The following COL22A1 variants were observed in gnomAD, a reference collection of about 807,000 sequenced individuals.
COL22A1 encodes the protein collagen type XXII alpha 1 chain.
In COL22A1, 221 loss-of-function variants were observed where a neutral mutation model predicts 248.9. The ratio of observed to expected loss-of-function variants is 0.89; its 90% CI spans 0.80 to 0.99. The LOEUF is 0.99. Among genes scored for constraint, COL22A1 ranks in the 50% least tolerant of loss-of-function variants. The pLI, the probability that COL22A1 is intolerant of heterozygous loss-of-function variation, is 0.00. For missense variants in COL22A1, 2,240 were observed against 2,179.0 expected (o/e 1.03, Z -0.56); for synonymous variants, 891 against 793.4 (o/e 1.12, Z -2.07).
intron 29 of COL22A1, 126 bp downstream of exon 29, chr8:138,716,101 T>G: frequency 2.2e-5 from 16 of 741,064 alleles, no homozygotes; most frequent in Non-Finnish European, 3.3e-5. Flanking sequence ...CCATCAACAC[T>G]GAGAAATACA....
At chr8:138,607,838 T>C in intron 57 of COL22A1, 98 bp downstream of exon 57, 1 of 1,186,226 alleles carries the variant, frequency 8.4e-7, no homozygotes, top group Non-Finnish European at 1.2e-6. Context: ...TCCCCACCGA[T>C]GCTTCTAGGG....
intron 16 of COL22A1, among the ~76,000 whole-genome samples, chr8:138,773,613 T>C (rs951502631): frequency 3.9e-5 from 6 of 152,370 alleles, no homozygotes; most frequent in African/African-American, 1.4e-4. Context: ...CAGCCGTGTG[T>C]TGAGCTGACT....
intron 14 of COL22A1, among the ~76,000 whole-genome samples, chr8:138,778,836 C>T (rs965469307): frequency 2.6e-5 from 4 of 152,198 alleles, no homozygotes; most frequent in Admixed American, 1.3e-4. Context: ...GGGCTCAGTA[C>T]AGCCTGGACA....
At chr8:138,734,872 T>C (rs1830989666) in intron 23 of COL22A1, among the ~76,000 whole-genome samples, 1 of 152,164 alleles carries the variant, frequency 6.6e-6, no homozygotes, top group South Asian at 2.1e-4. Context: ...TGTAGGGACA[T>C]GGATGAAGCT....
intron 41 of COL22A1, among the ~76,000 whole-genome samples, chr8:138,676,024 C>G (rs1825477891): frequency 6.6e-6 from 1 of 152,126 alleles, no homozygotes; most frequent in Admixed American, 6.5e-5. Flanking sequence ...TTCTTAAGAT[C>G]CCTATAACTC....
At chr8:138,844,794 C>T (rs1426871971) in intron 3 of COL22A1, among the ~76,000 whole-genome samples, 1 of 151,774 alleles carries the variant, frequency 6.6e-6, no homozygotes, top group African/African-American at 2.4e-5. Flanking sequence ...ACTAAAGATA[C>T]AAAAAATTAG....
intron 1 of COL22A1, among the ~76,000 whole-genome samples, chr8:138,908,486 T>G (rs1241124388): frequency 2.6e-5 from 4 of 152,244 alleles, no homozygotes; most frequent in Non-Finnish European, 5.9e-5. Context: ...TCATATGAAT[T>G]ATGTACATTT....
At chr8:138,689,152 C>T (rs1826612150) in intron 36 of COL22A1, among the ~76,000 whole-genome samples, 182 bp from the exon 37 acceptor site, 2 of 96,972 alleles carry the variant, frequency 2.1e-5, no homozygotes, top group South Asian at 3.2e-4. Flanking sequence ...ATGACTGCTG[C>T]TCTCCCGGGG....
intron 22 of COL22A1, 91 bp downstream of exon 22, chr8:138,751,367 C>T (rs2131341247): frequency 1.1e-6 from 1 of 869,598 alleles, no homozygotes; most frequent in East Asian, 2.6e-5. Flanking sequence ...GTCCCTGAAA[C>T]TGACACTGTC....
intron 12 of COL22A1, among the ~76,000 whole-genome samples, chr8:138,792,834 A>G (rs567923328): frequency 3.9e-4 from 59 of 152,302 alleles, no homozygotes; most frequent in African/African-American, 1.3e-3. Context: ...GCCAAAGAAC[A>G]GTGATTCAAT....
At chr8:138,641,490 G>C (rs1300705370) in intron 47 of COL22A1, among the ~76,000 whole-genome samples, 1 of 152,178 alleles carries the variant, frequency 6.6e-6, no homozygotes, top group African/African-American at 2.4e-5. Flanking sequence ...CATTGCTGTG[G>C]TTACCATCTT....
intron 13 of COL22A1, among the ~76,000 whole-genome samples, chr8:138,780,685 G>T (rs1409947006): frequency 6.6e-6 from 1 of 152,192 alleles, no homozygotes; most frequent in East Asian, 1.9e-4. Flanking sequence ...AGAACTACTT[G>T]TTAACTAAAT....
At position 138,796,876 on chromosome 8, in the gene COL22A1, G is replaced by A. The variant is rs749680447; in HGVS notation, c.1558-19C>T. ...CTATGCCCTAGAAAAATGAAAGAAG[G>A]CAAAGATTCACTACAGAGCATCTCC... is the stretch of plus-strand genomic sequence containing the variant. On this transcript the variant is annotated intron_variant, in intron 11 of 64. Coordinates refer to ENST00000303045, the MANE Select transcript of COL22A1 (RefSeq NM_152888.3). The A allele has an allele frequency of 1.3e-6, 2 of 1,548,626 alleles. No individual in the cohort carries two copies. The highest frequency in any genetic ancestry group is 1.7e-5 in the Admixed American group (1 of 59,922).
At chr8:138,903,911 G>A (rs973882392) in intron 1 of COL22A1, among the ~76,000 whole-genome samples, 3 of 152,138 alleles carry the variant, frequency 2.0e-5, no homozygotes, top group African/African-American at 7.2e-5. Context: ...TGACGGCCAT[G>A]TGCCAGTGTG....
intron 32 of COL22A1, 135 bp downstream of exon 32, chr8:138,699,977 A>G (rs897239178): frequency 3.7e-6 from 3 of 814,600 alleles, no homozygotes; most frequent in Non-Finnish European, 4.0e-6. Context: ...CAAGCCCAGC[A>G]GCCCAGATCC....
At chr8:138,842,155 C>T (rs893409873) in intron 4 of COL22A1, among the ~76,000 whole-genome samples, 4 of 152,146 alleles carry the variant, frequency 2.6e-5, no homozygotes, top group African/African-American at 9.7e-5. Flanking sequence ...GCAAGTGGCT[C>T]AATCTCTCTG....
At chr8:138,825,797 A>G (rs1406832069) in intron 6 of COL22A1, 1 of 152,200 alleles carries the variant, frequency 6.6e-6, no homozygotes, top group African/African-American at 2.4e-5. Context: ...AGTGAGTAAT[A>G]TCTTCATCCA....
intron 18 of COL22A1, 21 bp downstream of exon 18, chr8:138,760,222 G>T (rs1374452555): frequency 1.3e-6 from 2 of 1,555,350 alleles, no homozygotes; most frequent in Non-Finnish European, 1.7e-6. Context: ...CAGAGCCCTT[G>T]ACAGCCCCAG....
intron 23 of COL22A1, among the ~76,000 whole-genome samples, chr8:138,736,056 G>A (rs1435998018): frequency 2.0e-5 from 3 of 152,074 alleles, no homozygotes; most frequent in African/African-American, 7.2e-5. Context: ...GAGGCCAGGG[G>A]AACAGGGACA....
Sources: allele counts gnomAD v4.1 joint callset (sites outside exome capture counted in the v4.1 genomes callset), GRCh38; gene constraint gnomAD v4.1.1; transcripts MANE v1.5; gene names NCBI Gene and HGNC (gene_info 2026-07-23, HGNC 2026-07-21).